The following BBX variants were observed in gnomAD, a reference collection of about 807,000 sequenced individuals.
BBX encodes BBX high mobility group box domain containing, also known as HMG box transcription factor BBX.
BBX carries 30 observed loss-of-function variants against 100.2 expected under a neutral mutation model. The observed-to-expected ratio is 0.30, with a 90% CI of 0.22 to 0.41. The LOEUF (loss-of-function observed/expected upper bound fraction) is 0.41. Ranked by LOEUF, BBX falls within the 10% of genes least tolerant of loss-of-function variation. The pLI is 1.00. For missense variants in BBX, 1,023 were observed against 1,129.8 expected (o/e 0.91, Z 1.35); for synonymous variants, 376 against 388.1 (o/e 0.97, Z 0.37).
At chr3:107,659,940 C>T (rs2058358119) in intron 3 of BBX, among the ~76,000 whole-genome samples, 1 of 152,114 alleles carries the variant, frequency 6.6e-6, no homozygotes, top group Admixed American at 6.6e-5. Context: ...TATGTAATAG[C>T]TCTGTCTTAA....
chr3:107,807,724 G>A lies in BBX; in HGVS notation c.*2267G>A, dbSNP rs2108085595. 1 of 149,868 alleles carries A rather than the reference G, an allele frequency of 6.7e-6. No homozygotes were observed. 9.3% of individuals were successfully genotyped at this position (149,868 alleles called of 1,614,324 possible). ...GGGACCTTTTTTAAAAAAAAAAAAA[G>A]CAAAACAAAAGATTACTTTTTTTCT... On this transcript the variant is annotated 3_prime_UTR_variant, in exon 18 of 18. Transcript: ENST00000325805.
intron 10 of BBX, 85 bp downstream of exon 10, chr3:107,755,763 A>G (rs2065425900): frequency 3.5e-6 from 4 of 1,140,792 alleles, no homozygotes; most frequent in Non-Finnish European, 3.9e-6. Context: ...AAACTGTACC[A>G]TCTCTCCTGT....
At chr3:107,749,912 G>A (rs775341262) in intron 9 of BBX, among the ~76,000 whole-genome samples, 6 of 152,132 alleles carry the variant, frequency 3.9e-5, no homozygotes, top group Non-Finnish European at 5.9e-5. Context: ...GGGATTACAG[G>A]TGTGAGCCAT....
chr3:107,524,699 CCCTT>C (rs2047620929), intron 1 of BBX: 1 of 150,220 alleles, frequency 6.7e-6, no homozygotes, highest in African/African-American at 2.5e-5. Flanking sequence ...GCGTGCATTC[CCCTT>C]CCTTCCCAGT....
At chr3:107,646,352 G>C (rs1469069830) in intron 3 of BBX, among the ~76,000 whole-genome samples, 1 of 151,982 alleles carries the variant, frequency 6.6e-6, no homozygotes, top group Non-Finnish European at 1.5e-5. Flanking sequence ...AATAGAGGTG[G>C]GTGTAGCTGC....
chr3:107,784,680 A>G (rs930307495), intron 13 of BBX, among the ~76,000 whole-genome samples: 1 of 151,900 alleles, frequency 6.6e-6, no homozygotes. Context: ...GGGGAGAATT[A>G]TAGCTCTAAA....
chr3:107,566,364 G>A (rs989014135), intron 2 of BBX, among the ~76,000 whole-genome samples: 1 of 151,718 alleles, frequency 6.6e-6, no homozygotes, highest in South Asian at 2.1e-4. Context: ...ATTTTACTAA[G>A]AAATTTTACA....
At chr3:107,632,905 T>C (rs559734302) in intron 2 of BBX, among the ~76,000 whole-genome samples, 2 of 152,360 alleles carry the variant, frequency 1.3e-5, no homozygotes, top group South Asian at 4.1e-4. Flanking sequence ...TTTGCTCTTT[T>C]ACAATTAGTA....
intron 3 of BBX, among the ~76,000 whole-genome samples, chr3:107,681,122 A>T (rs1266200979): frequency 1.3e-5 from 2 of 152,196 alleles, no homozygotes; most frequent in Non-Finnish European, 2.9e-5. Flanking sequence ...AAATTAAGCC[A>T]ATTTGGATAG....
intron 3 of BBX, among the ~76,000 whole-genome samples, chr3:107,694,103 A>G (rs1244660219): frequency 3.0e-4 from 38 of 128,798 alleles, no homozygotes; most frequent in African/African-American, 5.6e-4. Context: ...GGCTGAGACA[A>G]TGGGGTTTTC....
chr3:107,570,053 G>A (rs957924372), intron 2 of BBX, among the ~76,000 whole-genome samples: 42 of 152,152 alleles, frequency 2.8e-4, no homozygotes, highest in African/African-American at 9.4e-4. Context: ...GAGGAATCCC[G>A]GGCTGCAGGC....
intron 10 of BBX, 110 bp from the exon 11 acceptor site, chr3:107,772,518 A>G (rs2066989552): frequency 8.5e-7 from 1 of 1,180,570 alleles, no homozygotes; most frequent in Non-Finnish European, 1.2e-6. Context: ...TGTAAAGTTT[A>G]AAGTGTGTTT....
At position 107,773,131 on chromosome 3, in the gene BBX, G is replaced by T; in HGVS notation, c.1410G>T (p.Lys470Asn). Reference protein sequence around the residue: ...DRHGNDKSTPKKTCKKRQSSE... With the variant: ...DRHGNDKSTPNKTCKKRQSSE... ...ATGGAAATGATAAATCCACACCCAA[G>T]AAGACTTGCAAAAAGAGGCAGTCTT... Residue 470 changes from lysine to asparagine, a missense_variant, in exon 11 of 18, where the codon AAG becomes AAT. Transcript: ENST00000325805. The surrounding 1 kb of genome is among the most constrained non-coding windows in gnomAD (Gnocchi z 4.1). The T allele has an allele frequency of 6.2e-7, 1 of 1,614,036 alleles. No homozygotes were observed. The highest frequency in any genetic ancestry group is 8.5e-7 in the Non-Finnish European group (1 of 1,180,000).
intron 3 of BBX, among the ~76,000 whole-genome samples, chr3:107,648,170 T>G (rs148871406): frequency 8.5e-5 from 13 of 152,328 alleles, no homozygotes; most frequent in African/African-American, 2.9e-4. Context: ...TAAATTAATC[T>G]GTTTAACATG....
intron 2 of BBX, among the ~76,000 whole-genome samples, chr3:107,567,386 G>A (rs569682413): frequency 2.9e-4 from 44 of 151,874 alleles, no homozygotes; most frequent in South Asian, 1.7e-3. Flanking sequence ...TTGTGTTATG[G>A]GTTTTGTCTT....
At chr3:107,796,919 T>G (rs2069735821) in intron 15 of BBX, among the ~76,000 whole-genome samples, 1 of 152,112 alleles carries the variant, frequency 6.6e-6, no homozygotes. Context: ...GAAAAGGTGT[T>G]TGGGAGCATT....
At chr3:107,723,576 A>G (rs1250191030) in intron 5 of BBX, among the ~76,000 whole-genome samples, 3 of 151,802 alleles carry the variant, frequency 2.0e-5, no homozygotes, top group Admixed American at 2.0e-4. Flanking sequence ...CCACCCCACA[A>G]CAGGCCCCGG....
intron 13 of BBX, among the ~76,000 whole-genome samples, chr3:107,784,223 G>T (rs908796605): frequency 6.6e-6 from 1 of 151,870 alleles, no homozygotes; most frequent in Non-Finnish European, 1.5e-5. Flanking sequence ...AAGGTGAGAC[G>T]TACAGTGGAA....
chr3:107,699,049 G>A lies in BBX; in HGVS notation c.-9-11403G>A, dbSNP rs571006475. The stretch of plus-strand genomic sequence containing the variant: ...TCATTCATTCATTTGCCTGCAGTGC[G>A]CCCGGCTCTGTGTCAAGCCCTGGAG... On this transcript the variant is annotated intron_variant, in intron 3 of 17. Coordinates refer to ENST00000325805, the MANE Select transcript of BBX (RefSeq NM_001142568.3). 7.2e-5 allele frequency among the ~76,000 whole-genome samples: 11 copies of A among 151,848 alleles called. No individual in the cohort carries two copies. The East Asian group carries it at 1.5e-3, about 21-fold the overall frequency.
Sources: gnomAD v4.1 joint callset for allele counts (sites outside exome capture counted in the v4.1 genomes callset) on GRCh38, gnomAD v4.1.1 for gene constraint, Gnocchi (gnomAD v3.1) non-coding constraint, MANE v1.5 for transcripts, NCBI Gene and HGNC (gene_info 2026-07-23, HGNC 2026-07-21) for gene names.